IREB2: variants seen among roughly 807,000 people sequenced by gnomAD.
The protein encoded by IREB2 is iron responsive element binding protein 2.
IREB2 carries 39 observed loss-of-function variants against 118.8 expected under a neutral mutation model. The observed-to-expected ratio is 0.33, with a 90% CI of 0.25 to 0.43. The LOEUF (loss-of-function observed/expected upper bound fraction) is 0.43, where lower values mean the gene tolerates loss of function less well. Ranked by LOEUF, IREB2 falls within the 20% of genes least tolerant of loss-of-function variation. IREB2 has a pLI of 1.00. For missense variants in IREB2, 900 were observed against 1,147.3 expected, an observed-to-expected ratio of 0.78 and a Z score of 3.11; for synonymous variants, 372 against 392.2, an observed-to-expected ratio of 0.95 and a Z score of 0.61.
At position 78,488,886 on chromosome 15, in the gene IREB2, A is replaced by G. The variant is rs1286196602; in HGVS notation, c.2076+115A>G. On this transcript the variant is annotated intron_variant, in intron 16 of 21. Transcript: ENST00000258886. The stretch of plus-strand genomic sequence containing the variant: ...TTACATTATTTTGAATACAGTTTTT[A>G]ATGTGTAATAGTAAGTTTGTATCTG... 9.4e-6 allele frequency: 6 copies of G among 640,390 alleles called. No individual in the cohort carries two copies. The South Asian group carries it at 1.1e-4, about 12-fold the overall frequency. The allele number at this position is 640,390 out of a possible 1,614,324, so 39.7% of individuals were successfully genotyped here.
intron 12 of IREB2, among the ~76,000 whole-genome samples, chr15:78,485,269 G>A (rs1022537482): frequency 1.3e-5 from 2 of 152,198 alleles, no homozygotes; most frequent in Non-Finnish European, 2.9e-5. Context: ...AGTAGTAAAA[G>A]ATCATTGTCT....
At chr15:78,470,501 T>TA (rs1462653883) in intron 5 of IREB2, 31 bp from the exon 6 acceptor site, 32 of 1,463,172 alleles carry the variant, frequency 2.2e-5, no homozygotes, top group Non-Finnish European at 2.9e-5. Flanking sequence ...TTGTAATACA[T>TA]ACGTTTAATG....
At chr15:78,483,234 T>C (rs897776605) in intron 10 of IREB2, 84 bp from the exon 11 acceptor site, 5 of 663,320 alleles carry the variant, frequency 7.5e-6, no homozygotes, top group Middle Eastern at 2.8e-4. Flanking sequence ...ATACTTACTC[T>C]GCTTTAGAAA....
intron 5 of IREB2, among the ~76,000 whole-genome samples, chr15:78,470,214 CT>C (rs1232970165): frequency 1.3e-5 from 2 of 152,182 alleles, no homozygotes; most frequent in Admixed American, 6.5e-5. Context: ...GAAGCTACTA[CT>C]TTCCTCTTTT....
intron 13 of IREB2, among the ~76,000 whole-genome samples, chr15:78,487,250 A>G (rs996794509): frequency 6.6e-6 from 1 of 152,030 alleles, no homozygotes; most frequent in Non-Finnish European, 1.5e-5. Flanking sequence ...TCCTCTTTAC[A>G]TTTTAAACTC....
intron 2 of IREB2, among the ~76,000 whole-genome samples, chr15:78,446,137 C>T (rs2050924967): frequency 5.3e-5 from 8 of 152,182 alleles, no homozygotes; most frequent in Admixed American, 5.2e-4. Context: ...TATTGCCGGT[C>T]TGGTGATCTT....
At chr15:78,484,510 G>A (rs961115190) in intron 11 of IREB2, among the ~76,000 whole-genome samples, 13 of 152,156 alleles carry the variant, frequency 8.5e-5, no homozygotes, top group Non-Finnish European at 1.9e-4. Context: ...TGGATTCTGG[G>A]TGGTAGGCTG....
chr15:78,490,711 A>C lies in IREB2; in HGVS notation c.2274A>C (p.Ala758=), dbSNP rs1360823393. ...DSVTTDHISP[A]GSIARNSAAA... ...TCACAACAGATCATATATCACCTGCAGGAAGTATCGCTAGGAATAGTGCTG... is the reference window on the plus strand; with the variant it reads ...TCACAACAGATCATATATCACCTGCCGGAAGTATCGCTAGGAATAGTGCTG... The change falls in exon 18 of 22, where the codon GCA becomes GCC. Residue 758 remains alanine, a synonymous_variant. Transcript: ENST00000258886. 1.9e-6 allele frequency: 3 copies of C among 1,613,986 alleles called. No individual in the cohort carries two copies. The highest frequency in any genetic ancestry group is 2.2e-5 in the East Asian group (1 of 44,890).
At chr15:78,450,494 G>T (rs1214316552) in intron 2 of IREB2, among the ~76,000 whole-genome samples, 1 of 152,168 alleles carries the variant, frequency 6.6e-6, no homozygotes, top group Non-Finnish European at 1.5e-5. Flanking sequence ...GAGTTGCTGG[G>T]TAGGCAGTAG....
At chr15:78,475,536 A>G (rs191277241) in intron 8 of IREB2, 30 of 152,296 alleles carry the variant, frequency 2.0e-4, no homozygotes, top group Non-Finnish European at 1.2e-4. Context: ...ATCAGTGGTT[A>G]GCAAACACCA....
rs1253329042 is a variant in IREB2 at position 78,500,828 on chromosome 15, T to G, written c.*2685T>G. On this transcript the variant is annotated 3_prime_UTR_variant, in exon 22 of 22. Transcript: ENST00000258886. Reference sequence around the variant, plus strand: ...TTTGTTTTATCTCCATGCTGACATTTGAAAGAAGGTACTAGTATCCCTCTA... The same window carrying G: ...TTTGTTTTATCTCCATGCTGACATTGGAAAGAAGGTACTAGTATCCCTCTA... 6.6e-6 allele frequency: 1 copy of G among 152,222 alleles called. No homozygotes were observed. The highest frequency in any genetic ancestry group is 2.4e-5 in the African/African-American group (1 of 41,454). The allele number at this position is 152,222 out of a possible 1,614,324, so 9.4% of individuals were successfully genotyped here.
At chr15:78,477,058 TGTTA>T (rs1179319453) in intron 9 of IREB2, among the ~76,000 whole-genome samples, 2 of 152,176 alleles carry the variant, frequency 1.3e-5, no homozygotes, top group Non-Finnish European at 2.9e-5. Context: ...CAGATTATTA[TGTTA>T]GTTAATCAGA....
rs1344462580 is a variant in IREB2 at position 78,498,452 on chromosome 15, A to G, written c.*309A>G. On this transcript the variant is annotated 3_prime_UTR_variant, in exon 22 of 22. Coordinates refer to ENST00000258886, the MANE Select transcript of IREB2 (RefSeq NM_004136.4). ...TAAATAAAGGCAGAATTTGTGTTGAAGATTCTTATATGAATAACCTTCCTG... is the reference window on the plus strand; with the variant it reads ...TAAATAAAGGCAGAATTTGTGTTGAGGATTCTTATATGAATAACCTTCCTG... 5.4e-6 allele frequency: 1 copy of G among 186,508 alleles called. No individual in the cohort carries two copies. Among genetic ancestry groups the G allele is most frequent in the Non-Finnish European group, 1.1e-5 (1 of 90,056 alleles). 11.6% of individuals were successfully genotyped at this position (186,508 alleles called of 1,614,324 possible).
intron 2 of IREB2, among the ~76,000 whole-genome samples, chr15:78,461,837 C>A (rs1292799142): frequency 6.6e-6 from 1 of 152,134 alleles, no homozygotes; most frequent in East Asian, 1.9e-4. Flanking sequence ...GCTTGTTACA[C>A]CAGTCACAAT....
intron 20 of IREB2, 93 bp downstream of exon 20, chr15:78,494,357 T>A: frequency 1.6e-6 from 2 of 1,283,976 alleles, no homozygotes; most frequent in Non-Finnish European, 2.2e-6. Context: ...ATCTGGATTT[T>A]TTATAGTTAT....
intron 2 of IREB2, among the ~76,000 whole-genome samples, chr15:78,441,786 A>G (rs538272603): frequency 5.3e-5 from 8 of 152,366 alleles, no homozygotes; most frequent in African/African-American, 1.9e-4. Flanking sequence ...CAGAATTACC[A>G]GTTTTTATAA....
intron 10 of IREB2, among the ~76,000 whole-genome samples, chr15:78,480,476 A>G (rs1373907151): frequency 1.3e-5 from 2 of 151,630 alleles, no homozygotes; most frequent in Non-Finnish European, 2.9e-5. Flanking sequence ...TGAGGTCAGG[A>G]GTTCACGACC....
rs2051505110 is a variant in IREB2, at chr15:78,478,186, AT to A, written c.1196-109del. On this transcript the variant is annotated intron_variant, in intron 9 of 21. Coordinates refer to ENST00000258886, the MANE Select transcript of IREB2 (RefSeq NM_004136.4). ...GAGGTCAAGGTTGCAGTGAGCTGTG[AT>A]TGCAGCACTGCGCTCCAGCCTGGGC... 3.9e-5 allele frequency: 26 copies of A among 673,850 alleles called. No individual in the cohort carries two copies. The East Asian group carries it at 7.4e-4, about 19-fold the overall frequency. 41.7% of individuals were successfully genotyped at this position (673,850 alleles called of 1,614,324 possible). A position where few individuals can be genotyped will look rare whatever the true frequency, so the allele number is the denominator to read the frequency against.
intron 10 of IREB2, among the ~76,000 whole-genome samples, chr15:78,482,051 T>C (rs1228131000): frequency 6.6e-6 from 1 of 151,634 alleles, no homozygotes; most frequent in Non-Finnish European, 1.5e-5. Flanking sequence ...CTGGGCAACA[T>C]AGTGAGACCT....
Sources: gnomAD v4.1 joint callset for allele counts (sites outside exome capture counted in the v4.1 genomes callset) on GRCh38, gnomAD v4.1.1 for gene constraint, MANE v1.5 for transcripts, NCBI Gene and HGNC (gene_info 2026-07-23, HGNC 2026-07-21) for gene names.